ABCA2: variants seen among roughly 807,000 people sequenced by gnomAD.
ABCA2 encodes ATP binding cassette subfamily A member 2.
ABCA2 carries 84 observed loss-of-function variants against 262.8 expected under a neutral mutation model. That is an observed-to-expected ratio of 0.32 (90% CI 0.27 to 0.38). ABCA2 has a LOEUF of 0.38. Among genes scored for constraint, ABCA2 ranks in the 10% least tolerant of loss-of-function variants. The pLI is 1.00. For missense variants in ABCA2, 2,662 were observed against 3,405.9 expected, an observed-to-expected ratio of 0.78 and a Z score of 5.44; for synonymous variants, 1,696 against 1,502.9, an observed-to-expected ratio of 1.13 and a Z score of -2.97.
At position 137,009,536 on chromosome 9, in the gene ABCA2, C is replaced by T. The variant is rs1554732902; in HGVS notation, c.6734+5G>A. The T allele has an allele frequency of 6.2e-6, 10 of 1,612,548 alleles. No homozygotes were observed. The highest frequency in any genetic ancestry group is 2.7e-5 in the African/African-American group (2 of 74,926). ...GGCACAAAGAGGGGGTGGGGGCGCCCTCACCTGTGTGATGTCAGCACCACT... is the reference window on the plus strand; with the variant it reads ...GGCACAAAGAGGGGGTGGGGGCGCCTTCACCTGTGTGATGTCAGCACCACT... On this transcript the variant is annotated splice_donor_5th_base_variant and intron_variant, in intron 44 of 48. Transcript: ENST00000341511.
In ABCA2 at chr9:137,021,575, G is replaced by A; in HGVS notation, c.714C>T (p.Leu238=). 6.4e-7 allele frequency: 1 copy of A among 1,570,900 alleles called. No individual in the cohort carries two copies. The highest frequency in any genetic ancestry group is 8.6e-7 in the Non-Finnish European group (1 of 1,159,254). Residue 238 remains leucine, a synonymous_variant, in exon 8 of 49, where the codon CTC becomes CTT. Transcript: ENST00000341511. The surrounding 1 kb of genome is among the most constrained non-coding windows in gnomAD (Gnocchi z 6.0). ...GCTCCCCCGAGCCCGGCGTGCAGGT[G>A]AGCTGCTCCAGGAGGGCAGGAGCCA... is the stretch of plus-strand genomic sequence containing the variant. ...LLLAPALLEQ[L]TCTPGSGELG...
At chr9:137,025,332 G>A (rs375469220) in intron 1 of ABCA2, among the ~76,000 whole-genome samples, 3 of 152,198 alleles carry the variant, frequency 2.0e-5, no homozygotes, top group Non-Finnish European at 2.9e-5. Flanking sequence ...GAGAGCCCTC[G>A]GCAGACCAGC....
At chr9:137,008,901 C>T (rs1830928315) in intron 46 of ABCA2, 33 bp from the exon 47 acceptor site, 29 of 1,457,574 alleles carry the variant, frequency 2.0e-5, no homozygotes, top group Non-Finnish European at 2.3e-5. Flanking sequence ...CCTGGCAGCG[C>T]CCCCCCACCC....
At chr9:137,018,658 G>A (rs1339070698) in intron 13 of ABCA2, 61 bp downstream of exon 13, 2 of 1,402,806 alleles carry the variant, frequency 1.4e-6, no homozygotes, top group Non-Finnish European at 1.9e-6. Context: ...GGACGGGTGG[G>A]GCTGGGCTGG....
rs1027988928 is a variant in ABCA2 at position 137,028,018 on chromosome 9, C to G, written c.66+57G>C. On this transcript the variant is annotated intron_variant, in intron 1 of 48. Transcript: ENST00000341511. This position sits in a 1 kb window ranked among gnomAD's most constrained non-coding sequence, Gnocchi z 6.9. Reference sequence around the variant, plus strand: ...CCGCACGTGCGCGCGGGGAGCGCGCCTCTGGCCGCGGTGCGCGCGGCCTCG... The same window carrying G: ...CCGCACGTGCGCGCGGGGAGCGCGCGTCTGGCCGCGGTGCGCGCGGCCTCG... 2 of 935,856 alleles carry G rather than the reference C, an allele frequency of 2.1e-6. No homozygotes were observed. The highest frequency in any genetic ancestry group is 3.6e-5 in the African/African-American group (2 of 55,744). 58.0% of individuals were successfully genotyped at this position (935,856 alleles called of 1,614,324 possible).
intron 9 of ABCA2, 28 bp downstream of exon 9, chr9:137,020,666 C>T (rs2131461527): frequency 6.3e-7 from 1 of 1,596,414 alleles, no homozygotes; most frequent in Non-Finnish European, 8.5e-7. Context: ...CTGTCCTCCT[C>T]ACCCCCATTC....
At chr9:137,017,379 C>T in intron 17 of ABCA2, 33 bp from the exon 18 acceptor site, 1 of 1,610,048 alleles carries the variant, frequency 6.2e-7, no homozygotes, top group South Asian at 1.1e-5. Context: ...CACCGTCATC[C>T]ACCCGCACGC....
intron 33 of ABCA2, 31 bp from the exon 34 acceptor site, chr9:137,012,193 C>A (rs745757380): frequency 1.9e-6 from 3 of 1,610,180 alleles, no homozygotes; most frequent in South Asian, 2.2e-5. Flanking sequence ...GCGGCAGCTT[C>A]AGGCCCCAGC....
chr9:137,027,455 C>G (rs1215690615), intron 1 of ABCA2: 1 of 152,778 alleles, frequency 6.5e-6, no homozygotes, highest in Non-Finnish European at 1.5e-5. Context: ...AGAACTGACC[C>G]CAAAGGACAA....
rs1831362359 is a variant in ABCA2, at chr9:137,019,032, G to T, written c.1593C>A (p.Asn531Lys). ...AELRLHPEALNLSLDELPPAL... is the reference protein window; with the variant it reads ...AELRLHPEALKLSLDELPPAL... ...CCGGCGGCAGCTCATCCAGTGACAG[G>T]TTCAGTGCCTCGGGGTGCAGCCGCA... The change falls in exon 12 of 49, where the codon AAC becomes AAA. Residue 531 changes from asparagine to lysine, a missense_variant. Asn to Lys is a moderately conservative substitution (Grantham distance 94). This residue lies in a region of ABCA2 where 187 missense variants were observed against 205.9 expected (regional missense o/e 0.91). Transcript: ENST00000341511. The surrounding 1 kb of genome is among the most constrained non-coding windows in gnomAD (Gnocchi z 4.4). 1 of 1,612,530 alleles carries T rather than the reference G, an allele frequency of 6.2e-7. No individual in the cohort carries two copies. The highest frequency in any genetic ancestry group is 8.5e-7 in the Non-Finnish European group (1 of 1,179,616).
intron 28 of ABCA2, 105 bp downstream of exon 28, chr9:137,013,727 G>A: frequency 7.2e-7 from 1 of 1,392,900 alleles, no homozygotes; most frequent in Non-Finnish European, 9.8e-7. Flanking sequence ...CCTCAGGTGT[G>A]GGGTGAGGCC....
In ABCA2 at chr9:137,014,756, T is replaced by C. The variant is rs1003850508; in HGVS notation, c.3937A>G (p.Thr1313Ala). The change falls in exon 26 of 49, where the codon ACG (threonine) becomes GCG (alanine). Residue 1313 changes from threonine to alanine, a missense_variant. Transcript: ENST00000341511. ...TTGAGGAACACTTCCTCCAGGGTCG[T>C]GTCCATCAGCCCGAAGCTGCTGAGG... ...LHLSSFGLMD[T>A]TLEEVFLKVS... The C allele has an allele frequency of 6.2e-7, 1 of 1,600,906 alleles. No homozygotes were observed.
chr9:137,019,424 CTT>C lies in ABCA2; in HGVS notation c.1426-120_1426-119del, dbSNP rs35180161. 0.026 allele frequency: 23,306 copies of C among 883,070 alleles called. 1 individual carries two copies. The highest frequency in any genetic ancestry group is 0.035 in the South Asian group (1,832 of 52,092). 54.7% of individuals were successfully genotyped at this position (883,070 alleles called of 1,614,324 possible). A position where few individuals can be genotyped will look rare whatever the true frequency, so the allele number is the denominator to read the frequency against. ...ATTGCCAACAACTAACCCTCCCCACCTTTTTTTTTTTTTTTTTCCTGAGACAG... is the reference window on the plus strand; with the variant it reads ...ATTGCCAACAACTAACCCTCCCCACCTTTTTTTTTTTTTTTCCTGAGACAG... On this transcript the variant is annotated intron_variant, in intron 10 of 48. Coordinates refer to ENST00000341511, the MANE Select transcript of ABCA2 (RefSeq NM_001606.5). This position sits in a 1 kb window ranked among gnomAD's most constrained non-coding sequence, Gnocchi z 4.4.
In ABCA2 at chr9:137,012,914, A is replaced by G. The variant is rs1458272896; in HGVS notation, c.4879T>C (p.Ser1627Pro). 1.7e-5 allele frequency: 26 copies of G among 1,523,058 alleles called. No homozygotes were observed. Among genetic ancestry groups the G allele is most frequent in the African/African-American group, 4.1e-5 (3 of 72,810 alleles). 94.3% of individuals were successfully genotyped at this position (1,523,058 alleles called of 1,614,324 possible). Reference sequence around the variant, plus strand: ...ACCAGGCGCGGCAGGGAGGGTGCCGACGTCCACATTTCTGTGGGCACAGCA... The same window carrying G: ...ACCAGGCGCGGCAGGGAGGGTGCCGGCGTCCACATTTCTGTGGGCACAGCA... ...PPTAGPEMWTSAPSLPRLVRE... is the reference protein window; with the variant it reads ...PPTAGPEMWTPAPSLPRLVRE... Residue 1627 changes from serine to proline, a missense_variant, in exon 31 of 49, where the codon TCG (serine) becomes CCG (proline). Physicochemically the swap from Ser to Pro is moderately conservative, Grantham distance 74. This residue lies in a region of ABCA2 where 192 missense variants were observed against 207.2 expected (regional missense o/e 0.93). Transcript: ENST00000341511.
intron 1 of ABCA2, among the ~76,000 whole-genome samples, chr9:137,027,307 C>T (rs1233901650): frequency 6.6e-6 from 1 of 152,248 alleles, no homozygotes; most frequent in African/African-American, 2.4e-5. Flanking sequence ...TCCCTGACAG[C>T]CATGTGTCCT....
Position 137,021,844 on chromosome 9 carries a change from A to C in ABCA2, c.678+47T>G. 2.0e-6 allele frequency: 3 copies of C among 1,507,460 alleles called. No homozygotes were observed. The East Asian group carries it at 7.2e-5, about 36-fold the overall frequency. The allele number at this position is 1,507,460 out of a possible 1,614,324, so 93.4% of individuals were successfully genotyped here. A position where few individuals can be genotyped will look rare whatever the true frequency, so the allele number is the denominator to read the frequency against. Reference sequence around the variant, plus strand: ...TCACCCACGGAGCAGAAGCACCCCCAGAGGCAGGCAGCACTCCAGGCCCAT... The same window carrying C: ...TCACCCACGGAGCAGAAGCACCCCCCGAGGCAGGCAGCACTCCAGGCCCAT... On this transcript the variant is annotated intron_variant, in intron 7 of 48. Transcript: ENST00000341511. The surrounding 1 kb of genome is among the most constrained non-coding windows in gnomAD (Gnocchi z 6.0).
In ABCA2 at chr9:137,017,196, C is replaced by T. The variant is rs767551330; in HGVS notation, c.2553G>A (p.Ala851=). The change falls in exon 18 of 49, where the codon GCG becomes GCA. Residue 851 remains alanine, a splice_region_variant and synonymous_variant. Transcript: ENST00000341511. The part of the protein sequence containing the change: ...DKITAFEKCI[A]SLMSTTAFGL... ...CCGCCCGCCTGCCCGCGACCCTCACCGCGATGCACTTCTCGAAGGCCGTGA... is the reference window on the plus strand; with the variant it reads ...CCGCCCGCCTGCCCGCGACCCTCACTGCGATGCACTTCTCGAAGGCCGTGA... 4 of 1,612,398 alleles carry T rather than the reference C, an allele frequency of 2.5e-6. No homozygotes were observed. Among genetic ancestry groups the T allele is most frequent in the Non-Finnish European group, 3.4e-6 (4 of 1,179,798 alleles).
Position 137,021,612 on chromosome 9 carries a change from T to TG in ABCA2, c.679-3dup. 3 of 1,551,224 alleles carry TG rather than the reference T, an allele frequency of 1.9e-6. No homozygotes were observed. Among genetic ancestry groups the TG allele is most frequent in the Non-Finnish European group, 2.6e-6 (3 of 1,148,928 alleles). On this transcript the variant is annotated splice_region_variant and splice_polypyrimidine_tract_variant and intron_variant, in intron 7 of 48. Coordinates refer to ENST00000341511, the MANE Select transcript of ABCA2 (RefSeq NM_001606.5). This position sits in a 1 kb window ranked among gnomAD's most constrained non-coding sequence, Gnocchi z 6.0. The stretch of plus-strand genomic sequence containing the variant: ...GAGGGCAGGAGCCAGCAGCAGCTCC[T>TG]GGGATGGGCACAGGGGTCCGTGGAG...
Position 137,017,043 on chromosome 9 carries a change from G to C in ABCA2, c.2635C>G (p.His879Asp), listed in dbSNP as rs1831282121. 1 of 1,612,826 alleles carries C rather than the reference G, an allele frequency of 6.2e-7. No homozygotes were observed. Among genetic ancestry groups the C allele is most frequent in the Admixed American group, 1.7e-5 (1 of 60,030 alleles). Residue 879 changes from histidine to aspartate, a missense_variant, in exon 19 of 49, where the codon CAC becomes GAC. Around this residue, in one of 12 missense-constraint regions of ABCA2, gnomAD observed 188 missense variants for 343.4 expected, o/e 0.55. Transcript: ENST00000341511. The part of the protein sequence containing the change: ...YEVAGVGIQW[H>D]TFSQSPVEGD... ...TCCACCGGGGACTGGCTGAAGGTGT[G>C]CCACTGGATGCCCACGCCGGCCACC... is the stretch of plus-strand genomic sequence containing the variant.
Sources: gnomAD v4.1 joint callset for allele counts (sites outside exome capture counted in the v4.1 genomes callset) on GRCh38, gnomAD v4.1.1 for gene constraint, gnomAD v4.1.1 regional missense constraint, Gnocchi (gnomAD v3.1) non-coding constraint, MANE v1.5 for transcripts, NCBI Gene and HGNC (gene_info 2026-07-23, HGNC 2026-07-21) for gene names.